Variants in TMEM61 observed in about 807,000 individuals in gnomAD.
TMEM61 encodes transmembrane protein 61.
A neutral mutation model predicts 12.0 loss-of-function variants in TMEM61; 13 were observed. That is an observed-to-expected ratio of 1.08 (90% CI 0.70 to 1.72). TMEM61 has a LOEUF of 1.72. TMEM61 is among the 40% of genes most tolerant of loss of function. The probability of loss-of-function intolerance (pLI) is 0.00; values close to 1 mark genes in which losing one functional copy is unlikely to be tolerated. For missense variants in TMEM61, 249 were observed against 276.9 expected, an observed-to-expected ratio of 0.90 and a Z score of 0.71; for synonymous variants, 109 against 121.4, an observed-to-expected ratio of 0.90 and a Z score of 0.67.
Position 54,992,223 on chromosome 1 carries a change from T to G in TMEM61, c.*120T>G. The G allele has an allele frequency of 8.1e-7, 1 of 1,233,084 alleles. No homozygotes were observed. Among genetic ancestry groups the G allele is most frequent in the Non-Finnish European group, 1.1e-6 (1 of 891,050 alleles). The allele number at this position is 1,233,084 out of a possible 1,614,324, so 76.4% of individuals were successfully genotyped here. ...GTTCGTTGTTGAAGGCTGTTCTATT[T>G]ATCTATTGCTGTATAACAAACCACC... On this transcript the variant is annotated 3_prime_UTR_variant, in exon 3 of 3. Transcript: ENST00000371268.
chr1:54,987,237 A>G (rs997530355), intron 2 of TMEM61, among the ~76,000 whole-genome samples: 1 of 152,228 alleles, frequency 6.6e-6, no homozygotes, highest in African/African-American at 2.4e-5. Context: ...TGCCTGGTAC[A>G]CAGTGGGTGC....
chr1:54,991,724 G>T, intron 2 of TMEM61, 112 bp from the exon 3 acceptor site: 1 of 1,306,024 alleles, frequency 7.7e-7, no homozygotes, highest in African/African-American at 1.5e-5. Context: ...AGCCACAAAG[G>T]CTTGGAGCAG....
At chr1:54,987,975 TTCTG>T (rs1644271535) in intron 2 of TMEM61, among the ~76,000 whole-genome samples, 1 of 152,254 alleles carries the variant, frequency 6.6e-6, no homozygotes, top group African/African-American at 2.4e-5. Context: ...AGTCAGCCCT[TTCTG>T]TCTATGGGTT....
chr1:54,992,145 G>T lies in TMEM61; in HGVS notation c.*42G>T. ...CTGAATCCAGAGACAAAAATGCCGT[G>T]CCTTCTCCAGAGTCTTATGCAGTGC... On this transcript the variant is annotated 3_prime_UTR_variant, in exon 3 of 3. Transcript: ENST00000371268. The T allele has an allele frequency of 6.3e-7, 1 of 1,587,426 alleles. No homozygotes were observed. The highest frequency in any genetic ancestry group is 1.7e-5 in the Admixed American group (1 of 59,350).
intron 2 of TMEM61, 29 bp from the exon 3 acceptor site, chr1:54,991,807 T>A (rs747101338): frequency 3.1e-6 from 5 of 1,607,762 alleles, no homozygotes; most frequent in Non-Finnish European, 4.2e-6. Flanking sequence ...CCCCAGCCCC[T>A]GCTAACAGCC....
At chr1:54,981,572 C>G (rs906965870) in intron 1 of TMEM61, among the ~76,000 whole-genome samples, 4 of 152,116 alleles carry the variant, frequency 2.6e-5, no homozygotes, top group African/African-American at 9.7e-5. Context: ...GAGCCGAGAT[C>G]GCAGGACTGC....
At chr1:54,982,238 G>T (rs1644227611) in intron 1 of TMEM61, among the ~76,000 whole-genome samples, 1 of 152,304 alleles carries the variant, frequency 6.6e-6, no homozygotes, top group East Asian at 1.9e-4. Flanking sequence ...TCCTCTGGCT[G>T]GAGGGAGGTG....
intron 2 of TMEM61, among the ~76,000 whole-genome samples, chr1:54,986,712 A>G (rs556505634): frequency 2.0e-5 from 3 of 151,866 alleles, no homozygotes; most frequent in African/African-American, 7.3e-5. Flanking sequence ...GGAGAAACCC[A>G]GGAAGGCTTC....
chr1:54,990,617 C>G (rs184768330), intron 2 of TMEM61, among the ~76,000 whole-genome samples: 10 of 152,286 alleles, frequency 6.6e-5, no homozygotes, highest in African/African-American at 2.4e-4. Context: ...CCCAGCAGCT[C>G]CAAACTGAGG....
At chr1:54,985,247 A>G (rs201694541) in intron 1 of TMEM61, among the ~76,000 whole-genome samples, 37 of 100,384 alleles carry the variant, frequency 3.7e-4, no homozygotes, top group African/African-American at 1.1e-3. Flanking sequence ...GTGTGTGTGT[A>G]TGTGTGTGTG....
intron 2 of TMEM61, among the ~76,000 whole-genome samples, chr1:54,991,202 C>T (rs570588245): frequency 6.6e-6 from 1 of 152,296 alleles, no homozygotes; most frequent in South Asian, 2.1e-4. Context: ...CTGCCTCAAG[C>T]CCCTGTGGGG....
chr1:54,988,442 TG>T (rs1287690477), intron 2 of TMEM61, among the ~76,000 whole-genome samples: 1 of 152,184 alleles, frequency 6.6e-6, no homozygotes, highest in Non-Finnish European at 1.5e-5. Flanking sequence ...GACTCAAAAC[TG>T]GGGGGCTGGG....
At chr1:54,991,731 G>A (rs545409931) in intron 2 of TMEM61, 105 bp from the exon 3 acceptor site, 105 of 1,344,530 alleles carry the variant, frequency 7.8e-5, no homozygotes, top group Non-Finnish European at 1.0e-4. Context: ...AAGGCTTGGA[G>A]CAGGGTGTGA....
chr1:54,989,360 A>G (rs1187503530), intron 2 of TMEM61, among the ~76,000 whole-genome samples: 1 of 152,158 alleles, frequency 6.6e-6, no homozygotes, highest in East Asian at 1.9e-4. Flanking sequence ...TAGAGAACTT[A>G]AGTGTTGGGC....
intron 2 of TMEM61, among the ~76,000 whole-genome samples, chr1:54,989,746 G>C (rs1644283152): frequency 6.6e-6 from 1 of 152,218 alleles, no homozygotes; most frequent in Non-Finnish European, 1.5e-5. Context: ...ACTTCCTGCT[G>C]TGGGCAGAAC....
chr1:54,985,219 ATGTGTGTGTG>A (rs35817239), intron 1 of TMEM61, among the ~76,000 whole-genome samples: 2 of 150,618 alleles, frequency 1.3e-5, no homozygotes, highest in African/African-American at 2.4e-5. Context: ...GAACGTGTGT[ATGTGTGTGTG>A]TGTGTGTGTG....
intron 2 of TMEM61, 139 bp downstream of exon 2, chr1:54,986,585 G>A: frequency 1.3e-6 from 1 of 757,986 alleles, no homozygotes; most frequent in South Asian, 2.0e-5. Flanking sequence ...TGTGTCCTGG[G>A]TACACGGAAG....
intron 1 of TMEM61, among the ~76,000 whole-genome samples, chr1:54,985,787 T>C (rs1305081585): frequency 6.6e-6 from 1 of 151,868 alleles, no homozygotes; most frequent in Admixed American, 6.6e-5. Context: ...GCAGTCAGGG[T>C]GGGAAGTTTT....
At chr1:54,990,587 A>G (rs946147683) in intron 2 of TMEM61, among the ~76,000 whole-genome samples, 3 of 152,100 alleles carry the variant, frequency 2.0e-5, no homozygotes, top group African/African-American at 7.2e-5. Flanking sequence ...GCAGGACCAC[A>G]GGTATGGAAT....
Sources: gnomAD v4.1 joint callset for allele counts (sites outside exome capture counted in the v4.1 genomes callset) on GRCh38, gnomAD v4.1.1 for gene constraint, MANE v1.5 for transcripts, NCBI Gene and HGNC (gene_info 2026-07-23, HGNC 2026-07-21) for gene names.